The following MOV10L1 variants were observed in gnomAD, a reference collection of about 807,000 sequenced individuals.
MOV10L1 encodes the protein RNA helicase Mov10l1.
MOV10L1 carries 110 observed loss-of-function variants against 143.8 expected under a neutral mutation model. The ratio of observed to expected loss-of-function variants is 0.76; its 90% CI spans 0.66 to 0.90. The LOEUF (loss-of-function observed/expected upper bound fraction) is 0.90. Ranked by LOEUF, MOV10L1 falls within the 40% of genes least tolerant of loss-of-function variation. MOV10L1 has a pLI of 0.00. For synonymous variants in MOV10L1, 593 were observed against 581.1 expected (o/e 1.02, Z -0.29); for missense variants, 1,406 against 1,526.8 (o/e 0.92, Z 1.32).
At chr22:50,160,402 AC>A (rs940149088) in intron 24 of MOV10L1, among the ~76,000 whole-genome samples, 4 of 144,824 alleles carry the variant, frequency 2.8e-5, no homozygotes, top group African/African-American at 1.0e-4. Flanking sequence ...GCCCACCACC[AC>A]GCCCAGCTAA....
At chr22:50,124,221 A>G (rs1173350072) in intron 10 of MOV10L1, among the ~76,000 whole-genome samples, 1 of 152,088 alleles carries the variant, frequency 6.6e-6, no homozygotes, top group Non-Finnish European at 1.5e-5. Context: ...GCTCATGGGA[A>G]TCAGTGCTCA....
chr22:50,119,306 GTCTGGACC>G (rs1201765647), intron 9 of MOV10L1, among the ~76,000 whole-genome samples: 6 of 152,204 alleles, frequency 3.9e-5, no homozygotes, highest in Non-Finnish European at 1.5e-5. Context: ...AGCACCAGGT[GTCTGGACC>G]TGCCCACGCG....
intron 15 of MOV10L1, among the ~76,000 whole-genome samples, chr22:50,137,375 A>G (rs575467155): frequency 1.3e-5 from 2 of 152,340 alleles, no homozygotes; most frequent in African/African-American, 4.8e-5. Context: ...AATGAAAAAT[A>G]TATTGGACAG....
intron 7 of MOV10L1, among the ~76,000 whole-genome samples, 189 bp from the exon 8 acceptor site, chr22:50,114,925 G>A (rs1057049184): frequency 1.3e-5 from 2 of 152,192 alleles, no homozygotes; most frequent in African/African-American, 4.8e-5. Context: ...GGTAGTCACA[G>A]CCCTCTCCTA....
intron 10 of MOV10L1, among the ~76,000 whole-genome samples, chr22:50,120,986 C>T (rs1489419478): frequency 6.6e-6 from 1 of 152,220 alleles, no homozygotes; most frequent in Non-Finnish European, 1.5e-5. Flanking sequence ...CTGACAGAGC[C>T]AGCAGGGCAA....
rs2062872627 is a variant in MOV10L1 at position 50,137,838 on chromosome 22, A to T, written c.2070+3208A>T. Among the ~76,000 whole-genome samples the T allele has an allele frequency of 3.0e-5, 3 of 99,930 alleles. No homozygotes were observed. In the South Asian group the frequency reaches 1.1e-3, roughly 36 times the overall value. The allele number at this position is 99,930 out of a possible 152,430, so 65.6% of individuals were successfully genotyped here. On this transcript the variant is annotated intron_variant, in intron 15 of 26. Transcript: ENST00000262794. ...ATATATAAATATACATATTTTATAT[A>T]TACATATATAAATATACATATTTTT...
chr22:50,144,250 C>T lies in MOV10L1; in HGVS notation c.2505+7C>T. On this transcript the variant is annotated splice_region_variant and intron_variant, in intron 18 of 26. Transcript: ENST00000262794. ...CACCTGCAGGTTCGAGGAGGTGAGC[C>T]CTTGGTGCAAGCAGTGGGGGGCACC... 6.3e-7 allele frequency: 1 copy of T among 1,591,940 alleles called. No homozygotes were observed.
chr22:50,155,685 C>A (rs1159447640), intron 22 of MOV10L1, among the ~76,000 whole-genome samples: 15 of 152,030 alleles, frequency 9.9e-5, no homozygotes, highest in Non-Finnish European at 1.3e-4. Context: ...CATGTTGGCC[C>A]AGCTGGTCTC....
chr22:50,097,640 A>G (rs1354457103), intron 2 of MOV10L1, among the ~76,000 whole-genome samples: 1 of 152,158 alleles, frequency 6.6e-6, no homozygotes, highest in African/African-American at 2.4e-5. Context: ...GTGCCACACT[A>G]GTTTGATGAC....
chr22:50,127,098 T>C (rs981684235), intron 12 of MOV10L1, among the ~76,000 whole-genome samples: 5 of 152,144 alleles, frequency 3.3e-5, no homozygotes, highest in Non-Finnish European at 7.4e-5. Context: ...TCGCCAGCTC[T>C]CCATTACCCA....
chr22:50,101,909 T>G (rs1476545791), intron 3 of MOV10L1, among the ~76,000 whole-genome samples: 2 of 152,206 alleles, frequency 1.3e-5, no homozygotes, highest in African/African-American at 2.4e-5. Flanking sequence ...CGCTCAGTTC[T>G]GGGGAAAGGC....
chr22:50,090,523 A>G, intron 1 of MOV10L1: 1 of 1,607,258 alleles, frequency 6.2e-7, no homozygotes, highest in Non-Finnish European at 8.5e-7. Flanking sequence ...GTGTGTCTAG[A>G]AAGCCCCGAA....
intron 21 of MOV10L1, among the ~76,000 whole-genome samples, chr22:50,151,344 A>G (rs897962257): frequency 6.6e-6 from 1 of 152,210 alleles, no homozygotes; most frequent in Non-Finnish European, 1.5e-5. Flanking sequence ...TCCAGGGCCC[A>G]TCATTCAACA....
chr22:50,133,471 A>C (rs2062734604), intron 13 of MOV10L1, among the ~76,000 whole-genome samples: 1 of 146,548 alleles, frequency 6.8e-6, no homozygotes, highest in Non-Finnish European at 1.5e-5. Flanking sequence ...AAAAAAAAAA[A>C]GAAAGAAAGA....
intron 15 of MOV10L1, among the ~76,000 whole-genome samples, chr22:50,138,337 A>C (rs2062890138): frequency 6.6e-6 from 1 of 152,180 alleles, no homozygotes; most frequent in African/African-American, 2.4e-5. Context: ...TGGGAGGCTG[A>C]GATGGGAAAA....
chr22:50,136,198 A>G (rs2062819995), intron 15 of MOV10L1, among the ~76,000 whole-genome samples: 1 of 151,978 alleles, frequency 6.6e-6, no homozygotes, highest in South Asian at 2.1e-4. Context: ...TTCCTTGGAC[A>G]GTGCTTTTCT....
At chr22:50,109,122 C>T (rs765042510) in intron 5 of MOV10L1, among the ~76,000 whole-genome samples, 6 of 152,122 alleles carry the variant, frequency 3.9e-5, no homozygotes, top group South Asian at 2.1e-4. Flanking sequence ...CAGGCCTGGG[C>T]GACAAGTAAA....
At chr22:50,095,916 C>CT (rs2062576658) in intron 2 of MOV10L1, 1 of 152,060 alleles carries the variant, frequency 6.6e-6, no homozygotes, top group Non-Finnish European at 1.5e-5. Context: ...GTTTCTGTCC[C>CT]TTTGCTATTA....
intron 22 of MOV10L1, among the ~76,000 whole-genome samples, chr22:50,155,538 C>T (rs2147457805): frequency 6.6e-6 from 1 of 152,132 alleles, no homozygotes; most frequent in South Asian, 2.1e-4. Context: ...TGCAGTGGTG[C>T]AATCTTGGCT....
Sources: allele counts gnomAD v4.1 joint callset (sites outside exome capture counted in the v4.1 genomes callset), GRCh38; gene constraint gnomAD v4.1.1; transcripts MANE v1.5; gene names NCBI Gene and HGNC (gene_info 2026-07-23, HGNC 2026-07-21).